The following ROBO1 variants were observed in gnomAD, a reference collection of about 807,000 sequenced individuals.
ROBO1 encodes roundabout homolog 1.
In ROBO1, 149 loss-of-function variants were observed where a neutral mutation model predicts 195.9. That is an observed-to-expected ratio of 0.76 (90% CI 0.67 to 0.87). The LOEUF is 0.87. ROBO1 is among the 40% of genes least tolerant of loss of function. ROBO1 has a pLI of 0.00. For synonymous variants in ROBO1, 816 were observed against 733.2 expected (o/e 1.11, Z -1.82); for missense variants, 1,933 against 2,068.3 (o/e 0.93, Z 1.27).
chr3:79,733,807 T>C (rs1478058669), intron 1 of ROBO1, among the ~76,000 whole-genome samples: 4 of 152,210 alleles, frequency 2.6e-5, no homozygotes, highest in African/African-American at 7.2e-5. Context: ...CCCACTATTG[T>C]GTACTTTTTT....
intron 2 of ROBO1, among the ~76,000 whole-genome samples, chr3:79,502,910 C>A (rs908043547): frequency 6.6e-6 from 1 of 152,000 alleles, no homozygotes; most frequent in Non-Finnish European, 1.5e-5. Flanking sequence ...CCAATCAGCA[C>A]CCTGTGAAAA....
intron 3 of ROBO1, among the ~76,000 whole-genome samples, chr3:79,120,830 G>C (rs1377883323): frequency 6.6e-6 from 1 of 152,106 alleles, no homozygotes; most frequent in Non-Finnish European, 1.5e-5. Flanking sequence ...TCTAAGGATA[G>C]TTTGCTTAGT....
intron 2 of ROBO1, among the ~76,000 whole-genome samples, chr3:79,335,204 A>G (rs947041264): frequency 7.9e-5 from 12 of 152,192 alleles, no homozygotes; most frequent in African/African-American, 2.9e-4. Context: ...CTGTAGTACA[A>G]ATTTACTACA....
At chr3:79,236,685 A>T (rs777435018) in intron 2 of ROBO1, among the ~76,000 whole-genome samples, 1 of 152,188 alleles carries the variant, frequency 6.6e-6, no homozygotes. Flanking sequence ...ACATATCTAA[A>T]GTAAAAAGAA....
chr3:78,966,584 AAAGTT>A (rs1425854447), intron 3 of ROBO1, among the ~76,000 whole-genome samples: 8 of 152,338 alleles, frequency 5.3e-5, no homozygotes, highest in East Asian at 1.9e-4. Context: ...CTTACAATCC[AAAGTT>A]AAGTCACTGG....
At chr3:78,746,462 G>A (rs573535943) in intron 5 of ROBO1, among the ~76,000 whole-genome samples, 1 of 152,006 alleles carries the variant, frequency 6.6e-6, no homozygotes, top group Non-Finnish European at 1.5e-5. Context: ...CCTGAGTTAC[G>A]ACAATAATTA....
Position 78,633,972 on chromosome 3 carries a change from T to C in ROBO1, c.3444A>G (p.Gly1148=). 6.2e-7 allele frequency: 1 copy of C among 1,612,884 alleles called. No individual in the cohort carries two copies. Among genetic ancestry groups the C allele is most frequent in the Non-Finnish European group, 8.5e-7 (1 of 1,179,182 alleles). Residue 1148 remains glycine, a synonymous_variant, in exon 24 of 31, where the codon GGA becomes GGG. Transcript: ENST00000464233. ...YNQSYDQNTG[G]SYNSSDRGSS... ...TGCCCCGGTCTGAGCTGTTGTAGGA[T>C]CCTCCTGTGTTCTGGTCGTATGATT...
intron 2 of ROBO1, among the ~76,000 whole-genome samples, chr3:79,253,759 G>GT (rs2082775244): frequency 6.6e-6 from 1 of 152,216 alleles, no homozygotes. Context: ...AGAGAGTAGC[G>GT]TGAGTATATC....
At chr3:79,106,740 A>G (rs2079788963) in intron 3 of ROBO1, among the ~76,000 whole-genome samples, 1 of 151,730 alleles carries the variant, frequency 6.6e-6, no homozygotes. Context: ...AGTTAAAAAT[A>G]TATACACATC....
chr3:79,483,887 G>A lies in ROBO1; in HGVS notation c.88+105937C>T, dbSNP rs1663199525. On this transcript the variant is annotated intron_variant, in intron 2 of 30. Transcript: ENST00000464233. ...TAATATGGGAGCAGTTCATGCAGAA[G>A]GAGAGTGCAGAACTGGGGAAGGAAA... is the stretch of plus-strand genomic sequence containing the variant. 2.0e-5 allele frequency among the ~76,000 whole-genome samples: 3 copies of A among 152,214 alleles called. No homozygotes were observed. The South Asian group carries it at 6.2e-4, about 32-fold the overall frequency.
intron 1 of ROBO1, among the ~76,000 whole-genome samples, chr3:79,644,881 A>G (rs2106698385): frequency 6.6e-6 from 1 of 152,134 alleles, no homozygotes; most frequent in East Asian, 2.0e-4. Flanking sequence ...CTGTAATGAA[A>G]TAAAACCAGA....
chr3:79,743,104 A>G (rs1399010431), intron 1 of ROBO1, among the ~76,000 whole-genome samples: 3 of 152,226 alleles, frequency 2.0e-5, no homozygotes, highest in Non-Finnish European at 4.4e-5. Context: ...GGCAGTGATC[A>G]TGTATCAGTT....
rs749528256 is a variant in ROBO1 at position 79,432,524 on chromosome 3, T to C, written c.88+157300A>G. Among the ~76,000 whole-genome samples the C allele has an allele frequency of 4.5e-4, 69 of 152,122 alleles. 1 individual carries two copies. The highest frequency in any genetic ancestry group is 1.0e-4 in the Non-Finnish European group (7 of 68,030). On this transcript the variant is annotated intron_variant, in intron 2 of 30. Transcript: ENST00000464233. ...GTCCTAATCATGAGGCATTTAAAAA[T>C]ATATTAGGAAATAATACAGGTAACA... is the stretch of plus-strand genomic sequence containing the variant.
At chr3:79,420,467 G>A (rs57108821) in intron 2 of ROBO1, among the ~76,000 whole-genome samples, 1,722 of 152,138 alleles carry the variant, frequency 0.011, 27 homozygotes, top group African/African-American at 0.038. Flanking sequence ...TTCTAGGACC[G>A]TGAGTGTGGC....
intron 3 of ROBO1, among the ~76,000 whole-genome samples, chr3:78,980,273 G>A (rs1376103271): frequency 2.0e-5 from 3 of 152,012 alleles, no homozygotes; most frequent in Non-Finnish European, 2.9e-5. Context: ...AGATGGTAAG[G>A]ATTACAATCA....
At chr3:79,404,216 G>A (rs1398125548) in intron 2 of ROBO1, among the ~76,000 whole-genome samples, 1 of 152,004 alleles carries the variant, frequency 6.6e-6, no homozygotes, top group East Asian at 1.9e-4. Flanking sequence ...GGGACTTGAG[G>A]CAACAAAGTT....
At chr3:79,274,694 C>A (rs1205722808) in intron 2 of ROBO1, among the ~76,000 whole-genome samples, 1 of 151,502 alleles carries the variant, frequency 6.6e-6, no homozygotes, top group Admixed American at 6.6e-5. Flanking sequence ...ACTAATTAAA[C>A]GAAAGTTGTT....
At chr3:79,035,896 T>C (rs934850279) in intron 3 of ROBO1, among the ~76,000 whole-genome samples, 2 of 152,190 alleles carry the variant, frequency 1.3e-5, no homozygotes, top group Non-Finnish European at 2.9e-5. Context: ...AGTGTTTAAC[T>C]AAAGGACTCC....
intron 4 of ROBO1, among the ~76,000 whole-genome samples, chr3:78,838,131 T>C (rs1188076390): frequency 2.0e-5 from 3 of 152,186 alleles, no homozygotes; most frequent in Non-Finnish European, 4.4e-5. Context: ...TTGGGTTTAG[T>C]TCCTGTTTTT....
Sources: gnomAD v4.1 joint callset for allele counts (sites outside exome capture counted in the v4.1 genomes callset) on GRCh38, gnomAD v4.1.1 for gene constraint, MANE v1.5 for transcripts, NCBI Gene and HGNC (gene_info 2026-07-23, HGNC 2026-07-21) for gene names.